BICRAL: variants seen among roughly 807,000 people sequenced by gnomAD.
BICRAL encodes the protein BICRA like chromatin remodeling complex associated protein, also known as BRD4-interacting chromatin-remodeling complex-associated protein-like.
In BICRAL, 8 loss-of-function variants were observed where a neutral mutation model predicts 91.8. The observed-to-expected ratio is 0.09, with a 90% CI of 0.05 to 0.16. The LOEUF (loss-of-function observed/expected upper bound fraction) is 0.16, where lower values mean the gene tolerates loss of function less well. Among genes scored for constraint, BICRAL ranks in the 10% least tolerant of loss-of-function variants. BICRAL has a pLI of 1.00. For synonymous variants in BICRAL, 445 were observed against 491.1 expected (o/e 0.91, Z 1.24); for missense variants, 1,038 against 1,310.9 (o/e 0.79, Z 3.21).
At chr6:42,768,523 G>A (rs1274016666) in intron 1 of BICRAL, among the ~76,000 whole-genome samples, 1 of 152,176 alleles carries the variant, frequency 6.6e-6, no homozygotes, top group East Asian at 1.9e-4. Context: ...AGGATCTTTG[G>A]TTTGCAAGAA....
At chr6:42,760,033 T>C (rs1317065277) in intron 1 of BICRAL, among the ~76,000 whole-genome samples, 2 of 152,020 alleles carry the variant, frequency 1.3e-5, no homozygotes, top group Non-Finnish European at 2.9e-5. Context: ...TCACCTGAGG[T>C]CAGGAGTTCG....
At chr6:42,749,948 A>G (rs984717578) in intron 1 of BICRAL, among the ~76,000 whole-genome samples, 2 of 150,866 alleles carry the variant, frequency 1.3e-5, no homozygotes, top group South Asian at 4.2e-4. Flanking sequence ...TCTGCCTCCC[A>G]GGTTCAAGTG....
chr6:42,855,719 TCAGCAGG>T, intron 8 of BICRAL, 130 bp from the exon 9 acceptor site: 1 of 658,224 alleles, frequency 1.5e-6, no homozygotes, highest in African/African-American at 1.8e-5. Context: ...TTTTTATTTT[TCAGCAGG>T]GCACATTCTG....
chr6:42,863,930 G>T (rs183663481), intron 12 of BICRAL, among the ~76,000 whole-genome samples: 7 of 151,996 alleles, frequency 4.6e-5, no homozygotes, highest in African/African-American at 1.7e-4. Flanking sequence ...TTCGGAGGCC[G>T]AGGTGGGCGG....
Position 42,821,938 on chromosome 6 carries a change from G to A in BICRAL, c.-5-80G>A. On this transcript the variant is annotated intron_variant, in intron 2 of 12. Coordinates refer to ENST00000314073, the MANE Select transcript of BICRAL (RefSeq NM_001393499.1). The stretch of plus-strand genomic sequence containing the variant: ...AGTTATTTATCCAGAAAAGTGTAAG[G>A]CATACTTTTGTATTGCATTGATACT... 3.8e-6 allele frequency: 3 copies of A among 784,276 alleles called. No homozygotes were observed. In the East Asian group the frequency reaches 7.5e-5, roughly 20 times the overall value. The allele number at this position is 784,276 out of a possible 1,614,324, so 48.6% of individuals were successfully genotyped here. A position where few individuals can be genotyped will look rare whatever the true frequency, so the allele number is the denominator to read the frequency against.
rs192729032 is a variant in BICRAL at position 42,803,684 on chromosome 6, C to T, written c.-101-6622C>T. Among the ~76,000 whole-genome samples, 347 of 152,318 alleles carry T rather than the reference C, an allele frequency of 2.3e-3. 1 individual carries two copies. Among genetic ancestry groups the T allele is most frequent in the African/African-American group, 8.0e-3 (331 of 41,564 alleles). On this transcript the variant is annotated intron_variant, in intron 1 of 12. Transcript: ENST00000314073. ...AATGAAAGGAAACTCATCCAGTTTT[C>T]ATGGAACTTGTAAGCCAGTGGGGAA... is the stretch of plus-strand genomic sequence containing the variant.
In BICRAL at chr6:42,830,342, G is replaced by A. The variant is rs1764438111; in HGVS notation, c.1839+170G>A. ...ACACTTTGGGAGGCCAAGGCTGGAGGATCACTTGAACCCAGGAGTTCGAGG... is the reference window on the plus strand; with the variant it reads ...ACACTTTGGGAGGCCAAGGCTGGAGAATCACTTGAACCCAGGAGTTCGAGG... On this transcript the variant is annotated intron_variant, in intron 6 of 12. Coordinates refer to ENST00000314073, the MANE Select transcript of BICRAL (RefSeq NM_001393499.1). 5.8e-6 allele frequency: 4 copies of A among 684,030 alleles called. No individual in the cohort carries two copies. In the Admixed American group the frequency reaches 8.7e-5, roughly 15 times the overall value. 42.4% of individuals were successfully genotyped at this position (684,030 alleles called of 1,614,324 possible). A position where few individuals can be genotyped will look rare whatever the true frequency, so the allele number is the denominator to read the frequency against.
At chr6:42,846,001 G>A (rs1764997389) in intron 6 of BICRAL, among the ~76,000 whole-genome samples, 1 of 150,176 alleles carries the variant, frequency 6.7e-6, no homozygotes, top group South Asian at 2.1e-4. Flanking sequence ...AACCCAGGAG[G>A]CGGAGCTTGC....
chr6:42,747,805 G>GT (rs56209754), intron 1 of BICRAL, among the ~76,000 whole-genome samples: 6,234 of 125,270 alleles, frequency 0.05, 220 homozygotes, highest in African/African-American at 0.071. Flanking sequence ...GTTTTATTTT[G>GT]TTTTTTTTTT....
chr6:42,847,890 A>C (rs192527181), intron 6 of BICRAL, among the ~76,000 whole-genome samples: 215 of 151,344 alleles, frequency 1.4e-3, no homozygotes, highest in Non-Finnish European at 2.5e-3. Context: ...AGCACTTTGG[A>C]AGGCCGAGGC....
At chr6:42,862,860 C>A (rs1184950424) in intron 12 of BICRAL, among the ~76,000 whole-genome samples, 2 of 152,164 alleles carry the variant, frequency 1.3e-5, no homozygotes, top group Admixed American at 6.5e-5. Context: ...CTAGAACTCA[C>A]ATTTTAGAAT....
At chr6:42,807,955 T>A (rs1359004202) in intron 1 of BICRAL, among the ~76,000 whole-genome samples, 1 of 152,170 alleles carries the variant, frequency 6.6e-6, no homozygotes, top group African/African-American at 2.4e-5. Flanking sequence ...TGGAATTATA[T>A]GAGCTTTTAA....
At chr6:42,856,829 T>C (rs182647894) in intron 9 of BICRAL, among the ~76,000 whole-genome samples, 1 of 152,242 alleles carries the variant, frequency 6.6e-6, no homozygotes, top group Non-Finnish European at 1.5e-5. Flanking sequence ...TGGCCAATGG[T>C]CAGGCACTGC....
At chr6:42,791,539 T>C (rs1046647197) in intron 1 of BICRAL, among the ~76,000 whole-genome samples, 14 of 152,186 alleles carry the variant, frequency 9.2e-5, no homozygotes, top group Non-Finnish European at 1.8e-4. Flanking sequence ...AATGGAAACA[T>C]TTTCACAGGG....
chr6:42,859,405 C>T (rs1460114117), intron 10 of BICRAL, among the ~76,000 whole-genome samples: 1 of 151,428 alleles, frequency 6.6e-6, no homozygotes, highest in South Asian at 2.1e-4. Flanking sequence ...AAAAAAAAAC[C>T]CACAGTGGGT....
chr6:42,756,325 G>A (rs1022503027), intron 1 of BICRAL, among the ~76,000 whole-genome samples: 2 of 152,064 alleles, frequency 1.3e-5, no homozygotes, highest in Non-Finnish European at 2.9e-5. Flanking sequence ...TTATCTCCCT[G>A]GTTCTTTCTT....
At chr6:42,833,245 C>T (rs35765449) in intron 6 of BICRAL, among the ~76,000 whole-genome samples, 53,236 of 151,122 alleles carry the variant, frequency 0.35, 9,629 homozygotes, top group South Asian at 0.47. Flanking sequence ...TTAGTAGAGA[C>T]GGGGTTTCAC....
intron 2 of BICRAL, among the ~76,000 whole-genome samples, chr6:42,818,462 C>G (rs1394124150): frequency 6.6e-6 from 1 of 152,032 alleles, no homozygotes; most frequent in African/African-American, 2.4e-5. Context: ...GGGAGAAAAG[C>G]CTTCTGGGGT....
At chr6:42,805,663 A>T (rs1281845896) in intron 1 of BICRAL, among the ~76,000 whole-genome samples, 1 of 152,094 alleles carries the variant, frequency 6.6e-6, no homozygotes, top group Admixed American at 6.6e-5. Flanking sequence ...CTCTGCCCTG[A>T]TGGAGCTGAC....
Sources: gnomAD v4.1 joint callset for allele counts (sites outside exome capture counted in the v4.1 genomes callset) on GRCh38, gnomAD v4.1.1 for gene constraint, MANE v1.5 for transcripts, NCBI Gene and HGNC (gene_info 2026-07-23, HGNC 2026-07-21) for gene names.